Variants in MTNR1B observed in about 807,000 individuals in gnomAD.
MTNR1B encodes the protein melatonin receptor 1B.
A neutral mutation model predicts 7.0 loss-of-function variants in MTNR1B; 7 were observed. The observed-to-expected ratio is 1.00, with a 90% CI of 0.57 to 1.88. The LOEUF (loss-of-function observed/expected upper bound fraction) is 1.88, where lower values mean the gene tolerates loss of function less well. MTNR1B is among the 40% of genes most tolerant of loss of function. MTNR1B has a pLI of 0.00. For missense variants in MTNR1B, 478 were observed against 486.5 expected, an observed-to-expected ratio of 0.98 and a Z score of 0.16; for synonymous variants, 226 against 208.2, an observed-to-expected ratio of 1.09 and a Z score of -0.74.
At chr11:92,974,432 T>TGTAA (rs1253859102) in intron 1 of MTNR1B, among the ~76,000 whole-genome samples, 1 of 152,222 alleles carries the variant, frequency 6.6e-6, no homozygotes, top group East Asian at 1.9e-4. Context: ...ACCTTTCTTT[T>TGTAA]GTAAGTTGTA....
chr11:92,973,888 G>T (rs188344410), intron 1 of MTNR1B, among the ~76,000 whole-genome samples: 1 of 152,314 alleles, frequency 6.6e-6, no homozygotes, highest in East Asian at 1.9e-4. Context: ...AAAATTAATT[G>T]ATTTTGCTCC....
At chr11:92,977,629 A>G (rs1858031047) in intron 1 of MTNR1B, among the ~76,000 whole-genome samples, 1 of 152,188 alleles carries the variant, frequency 6.6e-6, no homozygotes, top group South Asian at 2.1e-4. Flanking sequence ...AAGTTGACTC[A>G]CAAATTCCCC....
Position 92,982,151 on chromosome 11 carries a change from C to G in MTNR1B, c.928C>G (p.Leu310Val). 6.2e-7 allele frequency: 1 copy of G among 1,614,220 alleles called. No individual in the cohort carries two copies. The highest frequency in any genetic ancestry group is 8.5e-7 in the Non-Finnish European group (1 of 1,180,040). The change falls in exon 2 of 2, where the codon CTC (leucine) becomes GTC (valine). Residue 310 changes from leucine (L) to valine (V), a missense_variant. Coordinates refer to ENST00000257068, the MANE Select transcript of MTNR1B (RefSeq NM_005959.5). ...CTGCCTGAATGCCATTGTCTATGGG[C>G]TCTTGAACCAAAACTTCCGCAGGGA... ...NSCLNAIVYG[L>V]LNQNFRREYK... is the part of the protein sequence containing the mutation.
chr11:92,976,542 G>C (rs886984436), intron 1 of MTNR1B, among the ~76,000 whole-genome samples: 1 of 152,038 alleles, frequency 6.6e-6, no homozygotes, highest in African/African-American at 2.4e-5. Context: ...GCCCTCCACT[G>C]TCCCCTATCA....
At chr11:92,978,508 A>C (rs1203110944) in intron 1 of MTNR1B, among the ~76,000 whole-genome samples, 1 of 152,220 alleles carries the variant, frequency 6.6e-6, no homozygotes, top group Non-Finnish European at 1.5e-5. Context: ...TGCTGTGTGC[A>C]TACTGAGTGA....
At chr11:92,982,993 A>G (rs906009959), downstream of MTNR1B, among the ~76,000 whole-genome samples, 1 of 133,240 alleles carries the variant, frequency 7.5e-6, no homozygotes, top group Non-Finnish European at 1.6e-5. Context: ...TGGAGCACAA[A>G]GTCCGCTTGG....
At chr11:92,980,806 G>A (rs1332198123) in intron 1 of MTNR1B, among the ~76,000 whole-genome samples, 1 of 152,198 alleles carries the variant, frequency 6.6e-6, no homozygotes, top group Non-Finnish European at 1.5e-5. Flanking sequence ...CCACAAGGCT[G>A]GGAGTACTGG....
At position 92,981,901 on chromosome 11, in the gene MTNR1B, G is replaced by A; in HGVS notation, c.678G>A (p.Leu226=). Residue 226 remains leucine, a synonymous_variant, in exon 2 of 2, where the codon CTG becomes CTA. Transcript: ENST00000257068. The stretch of plus-strand genomic sequence containing the variant: ...TCTGCTACCTGCGCATCTGGGTGCT[G>A]GTGCTTCAGGCCCGCAGGAAAGCCA... ...VSFCYLRIWV[L]VLQARRKAKP... The A allele has an allele frequency of 6.2e-7, 1 of 1,614,190 alleles. No individual in the cohort carries two copies. Among genetic ancestry groups the A allele is most frequent in the Non-Finnish European group, 8.5e-7 (1 of 1,180,046 alleles).
At chr11:92,980,805 T>G (rs1858091460) in intron 1 of MTNR1B, among the ~76,000 whole-genome samples, 1 of 152,190 alleles carries the variant, frequency 6.6e-6, no homozygotes, top group African/African-American at 2.4e-5. Context: ...GCCACAAGGC[T>G]GGGAGTACTG....
chr11:92,973,628 C>A (rs1857966827), intron 1 of MTNR1B, among the ~76,000 whole-genome samples: 1 of 152,194 alleles, frequency 6.6e-6, no homozygotes, highest in Non-Finnish European at 1.5e-5. Flanking sequence ...GAAGGATTAT[C>A]AATGTTGATT....
chr11:92,982,853 A>AG (rs1440887822), downstream of MTNR1B: 1 of 173,002 alleles, frequency 5.8e-6, no homozygotes, highest in Non-Finnish European at 1.2e-5. Flanking sequence ...ATCACACCAC[A>AG]GACACACCAC....
Position 92,981,923 on chromosome 11 carries a change from G to T in MTNR1B, c.700G>T (p.Ala234Ser). Residue 234 changes from alanine to serine, a missense_variant, in exon 2 of 2, where the codon GCC becomes TCC. Physicochemically the swap from Ala to Ser is moderately conservative, Grantham distance 99 (BLOSUM62 1). Transcript: ENST00000257068. ...WVLVLQARRK[A>S]KPESRLCLKP... ...GCTGGTGCTTCAGGCCCGCAGGAAAGCCAAGCCAGAGAGCAGGCTGTGCCT... is the reference window on the plus strand; with the variant it reads ...GCTGGTGCTTCAGGCCCGCAGGAAATCCAAGCCAGAGAGCAGGCTGTGCCT... 1 of 1,614,214 alleles carries T rather than the reference G, an allele frequency of 6.2e-7. No individual in the cohort carries two copies.
At chr11:92,975,638 T>C (rs1425980396) in intron 1 of MTNR1B, among the ~76,000 whole-genome samples, 2 of 152,218 alleles carry the variant, frequency 1.3e-5, no homozygotes, top group African/African-American at 4.8e-5. Flanking sequence ...GAAAACAGTC[T>C]GCACTGTGGC....
Position 92,969,651 on chromosome 11 carries a change from C to G in MTNR1B, c.-75C>G, listed in dbSNP as rs1011348265. 1 of 1,310,520 alleles carries G rather than the reference C, an allele frequency of 7.6e-7. No homozygotes were observed. Among genetic ancestry groups the G allele is most frequent in the African/African-American group, 1.5e-5 (1 of 65,204 alleles). The allele number at this position is 1,310,520 out of a possible 1,614,324, so 81.2% of individuals were successfully genotyped here. ...CGAGCTGGGCAGGGAAGAGAGCGCC[C>G]GGCTCAGTACTGCGCGCGCCCTGCG... is the stretch of plus-strand genomic sequence containing the variant. On this transcript the variant is annotated 5_prime_UTR_variant, in exon 1 of 2. Coordinates refer to ENST00000257068, the MANE Select transcript of MTNR1B (RefSeq NM_005959.5).
chr11:92,973,195 C>G (rs1857961185), intron 1 of MTNR1B, among the ~76,000 whole-genome samples: 1 of 152,092 alleles, frequency 6.6e-6, no homozygotes, highest in Non-Finnish European at 1.5e-5. Context: ...GTTCCTCCTA[C>G]TCTTTCATTC....
chr11:92,974,557 C>T (rs891861281), intron 1 of MTNR1B, among the ~76,000 whole-genome samples: 4 of 151,884 alleles, frequency 2.6e-5, no homozygotes, highest in Non-Finnish European at 5.9e-5. Context: ...TCTCCTGCCT[C>T]AGCCTCCTGA....
At chr11:92,981,205 G>A (rs966603737) in intron 1 of MTNR1B, among the ~76,000 whole-genome samples, 1 of 152,186 alleles carries the variant, frequency 6.6e-6, no homozygotes, top group African/African-American at 2.4e-5. Flanking sequence ...TATACTATGA[G>A]GTAGGTATCA....
Position 92,969,722 on chromosome 11 carries a change from T to C in MTNR1B, c.-4T>C. 4 of 1,475,936 alleles carry C rather than the reference T, an allele frequency of 2.7e-6. No individual in the cohort carries two copies. Among genetic ancestry groups the C allele is most frequent in the African/African-American group, 2.9e-5 (2 of 69,500 alleles). 91.4% of individuals were successfully genotyped at this position (1,475,936 alleles called of 1,614,324 possible). ...GGCCAAAGCACAGCGCGGGAGAGTC[T>C]GCGATGTCAGAGAACGGCTCCTTCG... On this transcript the variant is annotated 5_prime_UTR_variant, in exon 1 of 2. Coordinates refer to ENST00000257068, the MANE Select transcript of MTNR1B (RefSeq NM_005959.5).
intron 1 of MTNR1B, among the ~76,000 whole-genome samples, chr11:92,970,478 C>T (rs1857906875): frequency 1.3e-5 from 2 of 152,204 alleles, no homozygotes; most frequent in African/African-American, 4.8e-5. Context: ...TTCCAGTTGA[C>T]GGAGAGTAAA....
Sources: gnomAD v4.1 joint callset for allele counts (sites outside exome capture counted in the v4.1 genomes callset) on GRCh38, gnomAD v4.1.1 for gene constraint, MANE v1.5 for transcripts, NCBI Gene and HGNC (gene_info 2026-07-23, HGNC 2026-07-21) for gene names.